Variants in NLGN1 observed in about 807,000 individuals in gnomAD.
NLGN1 encodes neuroligin 1, also known as neuroligin-1.
NLGN1 carries 12 observed loss-of-function variants against 65.5 expected under a neutral mutation model. That is an observed-to-expected ratio of 0.18 (90% CI 0.12 to 0.30). The LOEUF is 0.30. NLGN1 is among the 10% of genes least tolerant of loss of function. The pLI is 1.00. For synonymous variants in NLGN1, 350 were observed against 359.5 expected (o/e 0.97, Z 0.30); for missense variants, 750 against 1,007.1 (o/e 0.74, Z 3.46).
At chr3:174,290,565 TAAC>T (rs1391355850), downstream of NLGN1, among the ~76,000 whole-genome samples, 2 of 151,108 alleles carry the variant, frequency 1.3e-5, no homozygotes, top group African/African-American at 2.4e-5. Context: ...AGAAAACGAA[TAAC>T]AAGTTAAAAT....
rs71162376 is a variant in NLGN1 at position 174,107,017 on chromosome 3, C to CAGAGAGAGAG, written c.647-168272_647-168263dup. Reference sequence around the variant, plus strand: ...ACACACACACACACACACACACACACAGAGAGAGAGAGAGAGAGAGAGAGA... The same window carrying CAGAGAGAGAG: ...ACACACACACACACACACACACACACAGAGAGAGAGAGAGAGAGAGAGAGAGAGAGAGAGA... On this transcript the variant is annotated intron_variant, in intron 4 of 6. Transcript: ENST00000457714. Among the ~76,000 whole-genome samples the CAGAGAGAGAG allele has an allele frequency of 6.0e-3, 583 of 97,676 alleles. 6 individuals are homozygous for CAGAGAGAGAG. The highest frequency in any genetic ancestry group is 0.013 in the African/African-American group (311 of 23,992). The allele number at this position is 97,676 out of a possible 152,430, so 64.1% of individuals were successfully genotyped here.
chr3:174,001,560 G>A (rs185498997), intron 4 of NLGN1, among the ~76,000 whole-genome samples: 177 of 152,252 alleles, frequency 1.2e-3, no homozygotes, highest in African/African-American at 4.0e-3. Context: ...GGGGTTAAGA[G>A]GATAGTCCCC....
At chr3:173,656,083 A>G (rs12630387) in intron 3 of NLGN1, among the ~76,000 whole-genome samples, 58,406 of 151,982 alleles carry the variant, frequency 0.38, 12,041 homozygotes, top group Non-Finnish European at 0.47. Flanking sequence ...GAAGAGGATG[A>G]AGGAAAGTTA....
chr3:174,088,952 GATACCAT>G (rs1251496811), intron 4 of NLGN1, among the ~76,000 whole-genome samples: 3 of 151,968 alleles, frequency 2.0e-5, no homozygotes, highest in African/African-American at 7.2e-5. Flanking sequence ...AGAAGTTGGG[GATACCAT>G]AGAATATAAA....
chr3:173,748,335 A>G (rs886288178), intron 3 of NLGN1, among the ~76,000 whole-genome samples: 5 of 152,078 alleles, frequency 3.3e-5, no homozygotes, highest in Non-Finnish European at 5.9e-5. Flanking sequence ...ATCTGAACAC[A>G]TAGGGGCAGA....
chr3:173,728,640 A>T (rs1174887705), intron 3 of NLGN1, among the ~76,000 whole-genome samples: 1 of 152,098 alleles, frequency 6.6e-6, no homozygotes, highest in Non-Finnish European at 1.5e-5. Flanking sequence ...AAATCCAAAG[A>T]CTGGTATCTT....
Position 173,807,842 on chromosome 3 carries a change from G to A in NLGN1, c.646+10G>A. On this transcript the variant is annotated intron_variant, in intron 4 of 6. Coordinates refer to ENST00000457714, the Ensembl canonical transcript of NLGN1. Reference sequence around the variant, plus strand: ...CGACTTGGAGTACTCGGTAAGAAGAGTCTCTCTTTTGTTTTCACCATGAAT... The same window carrying A: ...CGACTTGGAGTACTCGGTAAGAAGAATCTCTCTTTTGTTTTCACCATGAAT... The A allele has an allele frequency of 6.2e-7, 1 of 1,611,646 alleles. No homozygotes were observed. Among genetic ancestry groups the A allele is most frequent in the East Asian group, 2.2e-5 (1 of 44,820 alleles).
intron 4 of NLGN1, among the ~76,000 whole-genome samples, chr3:174,073,761 G>T (rs1047058718): frequency 2.6e-5 from 4 of 152,086 alleles, no homozygotes; most frequent in Admixed American, 1.3e-4. Flanking sequence ...ACACTTACCT[G>T]AATCATATGT....
At chr3:174,153,819 CT>C (rs1433751149) in intron 4 of NLGN1, among the ~76,000 whole-genome samples, 3 of 152,038 alleles carry the variant, frequency 2.0e-5, no homozygotes, top group African/African-American at 7.2e-5. Context: ...ATAATGAGAC[CT>C]TGTCTCTACA....
At chr3:173,716,683 T>C (rs1769905064) in intron 3 of NLGN1, among the ~76,000 whole-genome samples, 1 of 152,160 alleles carries the variant, frequency 6.6e-6, no homozygotes, top group Non-Finnish European at 1.5e-5. Flanking sequence ...ATGATGATTA[T>C]AATGAGTTTT....
At chr3:174,002,371 A>G (rs1012822769) in intron 4 of NLGN1, among the ~76,000 whole-genome samples, 1 of 151,912 alleles carries the variant, frequency 6.6e-6, no homozygotes, top group Admixed American at 6.6e-5. Flanking sequence ...CAAGTGATCC[A>G]CCCTCCTCGG....
At chr3:174,133,541 G>C (rs1006180) in intron 4 of NLGN1, among the ~76,000 whole-genome samples, 20,844 of 152,042 alleles carry the variant, frequency 0.14, 1,686 homozygotes, top group African/African-American at 0.21. Context: ...TGTTGGGAAG[G>C]GGGTAGACAG....
intron 4 of NLGN1, among the ~76,000 whole-genome samples, chr3:174,082,775 C>T (rs1742495743): frequency 6.6e-6 from 1 of 151,836 alleles, no homozygotes; most frequent in Admixed American, 6.6e-5. Flanking sequence ...GGGTGGAGTG[C>T]AATGGTGCAG....
chr3:174,196,374 A>G (rs1037438149), intron 4 of NLGN1, among the ~76,000 whole-genome samples: 2 of 152,104 alleles, frequency 1.3e-5, no homozygotes, highest in Non-Finnish European at 2.9e-5. Context: ...CCCAATAGTC[A>G]TGCAAAATTA....
At chr3:173,567,135 A>G (rs531931013) in intron 2 of NLGN1, among the ~76,000 whole-genome samples, 1 of 152,122 alleles carries the variant, frequency 6.6e-6, no homozygotes, top group South Asian at 2.1e-4. Context: ...AGTTAAGAGA[A>G]TTGAATTATT....
intron 4 of NLGN1, among the ~76,000 whole-genome samples, chr3:174,144,407 T>C (rs1049011436): frequency 8.5e-5 from 13 of 152,190 alleles, no homozygotes; most frequent in African/African-American, 3.1e-4. Flanking sequence ...GTAGAATGAT[T>C]TATAATCCTT....
chr3:173,823,835 A>G (rs1240655209), intron 4 of NLGN1, among the ~76,000 whole-genome samples: 1 of 151,988 alleles, frequency 6.6e-6, no homozygotes, highest in Non-Finnish European at 1.5e-5. Context: ...TGTACATGAT[A>G]TGAATATATT....
intron 3 of NLGN1, among the ~76,000 whole-genome samples, chr3:173,707,142 C>T (rs1047660447): frequency 6.6e-6 from 1 of 152,166 alleles, no homozygotes; most frequent in Non-Finnish European, 1.5e-5. Flanking sequence ...CCACGTCTGA[C>T]CTATTTTTTA....
intron 4 of NLGN1, among the ~76,000 whole-genome samples, chr3:173,837,770 A>G (rs1056935672): frequency 2.6e-5 from 4 of 152,218 alleles, no homozygotes; most frequent in Middle Eastern, 3.2e-3. Context: ...ATGGCAAAGC[A>G]TGAGAATATA....
Sources: allele counts gnomAD v4.1 joint callset (sites outside exome capture counted in the v4.1 genomes callset), GRCh38; gene constraint gnomAD v4.1.1; transcripts MANE v1.5; gene names NCBI Gene and HGNC (gene_info 2026-07-23, HGNC 2026-07-21).